The following CHCHD6 variants were observed in gnomAD, a reference collection of about 807,000 sequenced individuals.
The protein encoded by CHCHD6 is MICOS complex subunit MIC25.
Under a neutral mutation model 32.3 loss-of-function variants are expected in CHCHD6, and 28 were observed. That is an observed-to-expected ratio of 0.87 (90% CI 0.64 to 1.19). The LOEUF is 1.19. Among genes scored for constraint, CHCHD6 ranks in the 50% most tolerant of loss-of-function variants. CHCHD6 has a pLI of 0.00. For missense variants in CHCHD6, 333 were observed against 307.0 expected, an observed-to-expected ratio of 1.08 and a Z score of -0.63; for synonymous variants, 122 against 117.5, an observed-to-expected ratio of 1.04 and a Z score of -0.25.
At chr3:126,954,343 AGGCTGACCATGG>A (rs1559941649) in intron 6 of CHCHD6, among the ~76,000 whole-genome samples, 1 of 152,192 alleles carries the variant, frequency 6.6e-6, no homozygotes, top group Non-Finnish European at 1.5e-5. Context: ...GGACACAGCC[AGGCTGACCATGG>A]GGAGAGGGGC....
chr3:126,758,456 A>G (rs945265502), intron 4 of CHCHD6, among the ~76,000 whole-genome samples: 1 of 152,240 alleles, frequency 6.6e-6, no homozygotes, highest in East Asian at 1.9e-4. Flanking sequence ...TTCAATCTGA[A>G]GGTAGACACG....
chr3:126,738,749 A>G (rs545803658), intron 4 of CHCHD6, among the ~76,000 whole-genome samples: 2 of 152,364 alleles, frequency 1.3e-5, no homozygotes, highest in East Asian at 1.9e-4. Flanking sequence ...ACAGCCTTCT[A>G]TAGAATGGGT....
intron 4 of CHCHD6, among the ~76,000 whole-genome samples, chr3:126,752,482 G>A (rs1166947323): frequency 1.3e-5 from 2 of 152,192 alleles, no homozygotes; most frequent in Non-Finnish European, 1.5e-5. Context: ...TGGGGAGAAG[G>A]CCCCTTCCCC....
chr3:126,772,143 C>T (rs1358890966), intron 4 of CHCHD6, among the ~76,000 whole-genome samples: 1 of 152,138 alleles, frequency 6.6e-6, no homozygotes, highest in African/African-American at 2.4e-5. Flanking sequence ...GCTTTGTCAC[C>T]CAGGCTGGAG....
chr3:126,850,724 C>G (rs941388285), intron 4 of CHCHD6, among the ~76,000 whole-genome samples: 8 of 152,174 alleles, frequency 5.3e-5, no homozygotes. Context: ...CCCTCAGAGA[C>G]TTTCTTTTAC....
intron 4 of CHCHD6, among the ~76,000 whole-genome samples, chr3:126,758,755 C>T (rs945162874): frequency 6.6e-6 from 1 of 152,158 alleles, no homozygotes; most frequent in South Asian, 2.1e-4. Context: ...CTTTCCTTTG[C>T]CAGGTCACTT....
At chr3:126,764,418 C>T (rs1257703055) in intron 4 of CHCHD6, among the ~76,000 whole-genome samples, 2 of 152,076 alleles carry the variant, frequency 1.3e-5, no homozygotes, top group Non-Finnish European at 2.9e-5. Flanking sequence ...TCTAGGAGTA[C>T]AAGACGACCT....
chr3:126,903,026 C>T (rs971921614), intron 5 of CHCHD6, among the ~76,000 whole-genome samples: 5 of 152,162 alleles, frequency 3.3e-5, no homozygotes, highest in Non-Finnish European at 5.9e-5. Context: ...AGGAGGCATG[C>T]TTGTAAGCTG....
intron 5 of CHCHD6, among the ~76,000 whole-genome samples, chr3:126,870,808 C>T (rs1053438545): frequency 3.9e-5 from 6 of 152,210 alleles, no homozygotes; most frequent in African/African-American, 1.2e-4. Context: ...ACCGGGCTAG[C>T]TTCTGGGGAC....
At chr3:126,762,455 C>T (rs1480568586) in intron 4 of CHCHD6, among the ~76,000 whole-genome samples, 2 of 151,990 alleles carry the variant, frequency 1.3e-5, no homozygotes, top group Non-Finnish European at 2.9e-5. Flanking sequence ...AGTTTTCTTT[C>T]TCATTGATTT....
intron 4 of CHCHD6, among the ~76,000 whole-genome samples, chr3:126,840,056 T>C (rs1941010222): frequency 2.0e-5 from 3 of 152,386 alleles, no homozygotes; most frequent in Middle Eastern, 3.4e-3. Context: ...TGGAATCATA[T>C]ACTATGTGGC....
At chr3:126,827,775 G>A (rs1478881596) in intron 4 of CHCHD6, among the ~76,000 whole-genome samples, 3 of 152,198 alleles carry the variant, frequency 2.0e-5, no homozygotes, top group Non-Finnish European at 4.4e-5. Flanking sequence ...GAAAGTAAAG[G>A]AGAACAAGCT....
At chr3:126,959,709 A>G (rs907019273) in intron 7 of CHCHD6, among the ~76,000 whole-genome samples, 2 of 152,180 alleles carry the variant, frequency 1.3e-5, no homozygotes, top group African/African-American at 4.8e-5. Flanking sequence ...TGTGCTGGGC[A>G]TCTCAGATGA....
intron 5 of CHCHD6, among the ~76,000 whole-genome samples, chr3:126,892,114 A>G (rs2077769964): frequency 6.6e-6 from 1 of 152,130 alleles, no homozygotes; most frequent in Admixed American, 6.5e-5. Flanking sequence ...GCTCTGAGCA[A>G]GACACCGGGG....
intron 5 of CHCHD6, among the ~76,000 whole-genome samples, chr3:126,881,555 C>G (rs1322674876): frequency 6.6e-6 from 1 of 152,098 alleles, no homozygotes; most frequent in Non-Finnish European, 1.5e-5. Flanking sequence ...ACCCTCATTG[C>G]CCATCATGAG....
intron 4 of CHCHD6, among the ~76,000 whole-genome samples, chr3:126,794,242 T>TC (rs1249783810): frequency 6.6e-6 from 1 of 150,992 alleles, no homozygotes; most frequent in African/African-American, 2.4e-5. Context: ...TTTTGTGTTT[T>TC]CCCCCCATAT....
At chr3:126,773,270 T>C (rs1258888591) in intron 4 of CHCHD6, among the ~76,000 whole-genome samples, 1 of 152,188 alleles carries the variant, frequency 6.6e-6, no homozygotes, top group Non-Finnish European at 1.5e-5. Flanking sequence ...TACCTGCCCT[T>C]TTCCAGCCTT....
chr3:126,758,821 A>T (rs1010934482), intron 4 of CHCHD6, among the ~76,000 whole-genome samples: 3 of 152,134 alleles, frequency 2.0e-5, no homozygotes, highest in African/African-American at 7.2e-5. Context: ...TACCTCCAGA[A>T]TGTGTTCTTT....
intron 5 of CHCHD6, among the ~76,000 whole-genome samples, chr3:126,911,036 A>T (rs2078082474): frequency 6.6e-6 from 1 of 152,178 alleles, no homozygotes; most frequent in Non-Finnish European, 1.5e-5. Flanking sequence ...ACCATATGTA[A>T]GTATTTTTCA....
Sources: gnomAD v4.1 joint callset for allele counts (sites outside exome capture counted in the v4.1 genomes callset) on GRCh38, gnomAD v4.1.1 for gene constraint, MANE v1.5 for transcripts, NCBI Gene and HGNC (gene_info 2026-07-23, HGNC 2026-07-21) for gene names.